Variants in ITPKC observed in about 807,000 individuals in gnomAD.
The protein encoded by ITPKC is IP3 3-kinase C.
ITPKC carries 33 observed loss-of-function variants against 67.1 expected under a neutral mutation model. The ratio of observed to expected loss-of-function variants is 0.49; its 90% CI spans 0.37 to 0.66. ITPKC has a LOEUF of 0.66. ITPKC is among the 30% of genes least tolerant of loss of function. ITPKC has a pLI of 0.00. For missense variants in ITPKC, 820 were observed against 892.1 expected, an observed-to-expected ratio of 0.92 and a Z score of 1.03; for synonymous variants, 341 against 359.8, an observed-to-expected ratio of 0.95 and a Z score of 0.59.
chr19:40,737,830 G>A, intron 6 of ITPKC, 61 bp downstream of exon 6: 1 of 1,378,664 alleles, frequency 7.3e-7, no homozygotes, highest in African/African-American at 1.4e-5. Flanking sequence ...GCATGGAGGG[G>A]AAACCATTGA....
chr19:40,727,307 C>T (rs2082250543), intron 2 of ITPKC, among the ~76,000 whole-genome samples: 2 of 151,786 alleles, frequency 1.3e-5, no homozygotes, highest in Non-Finnish European at 2.9e-5. Flanking sequence ...GCACTCCAGC[C>T]TGGGTGACAG....
intron 2 of ITPKC, among the ~76,000 whole-genome samples, chr19:40,726,471 C>T (rs986117412): frequency 6.6e-6 from 1 of 152,170 alleles, no homozygotes; most frequent in South Asian, 2.1e-4. Flanking sequence ...TGGTCTCTGT[C>T]GCAACTACTC....
At position 40,739,475 on chromosome 19, in the gene ITPKC, C is replaced by T; in HGVS notation, c.1967C>T (p.Pro656Leu). ...CACCAGACGCTCAGCCACAGGCTGCCCTGGGCTGAGGGCAACCGTGAGGAC... is the reference window on the plus strand; with the variant it reads ...CACCAGACGCTCAGCCACAGGCTGCTCTGGGCTGAGGGCAACCGTGAGGAC... ...PDHQTLSHRL[P>L]WAEGNREDGY... The change falls in exon 7 of 7, where the codon CCC becomes CTC. Residue 656 changes from proline (P) to leucine (L), a missense_variant. Pro to Leu is a moderately conservative substitution (Grantham distance 98). Transcript: ENST00000263370. 13 of 1,613,606 alleles carry T rather than the reference C, an allele frequency of 8.1e-6. No individual in the cohort carries two copies. The highest frequency in any genetic ancestry group is 1.0e-5 in the Non-Finnish European group (12 of 1,180,010).
At chr19:40,733,491 G>C in intron 4 of ITPKC, 127 bp downstream of exon 4, 1 of 841,820 alleles carries the variant, frequency 1.2e-6, no homozygotes, top group Non-Finnish European at 1.8e-6. Context: ...GGCTGGGGAA[G>C]CCCAGCCTCT....
chr19:40,718,497 C>T (rs1042672774), intron 1 of ITPKC, among the ~76,000 whole-genome samples: 7 of 152,148 alleles, frequency 4.6e-5, no homozygotes, highest in African/African-American at 1.7e-4. Context: ...TCTCCTTTCC[C>T]CTTCCTGCAC....
chr19:40,718,343 C>T (rs996519437), intron 1 of ITPKC, 53 bp downstream of exon 1: 8 of 1,479,792 alleles, frequency 5.4e-6, no homozygotes, highest in South Asian at 2.9e-5. Flanking sequence ...CTCCTTATTC[C>T]TCCGCCTTTG....
chr19:40,738,227 G>A (rs1223472441), intron 6 of ITPKC, among the ~76,000 whole-genome samples: 1 of 152,110 alleles, frequency 6.6e-6, no homozygotes, highest in African/African-American at 2.4e-5. Flanking sequence ...AGGAGATCGA[G>A]ACCATCCTGG....
intron 3 of ITPKC, among the ~76,000 whole-genome samples, chr19:40,732,826 C>T (rs1372926879): frequency 6.6e-6 from 1 of 152,314 alleles, no homozygotes; most frequent in East Asian, 1.9e-4. Context: ...TTTTCTTCTA[C>T]AAGCTTTATT....
intron 1 of ITPKC, among the ~76,000 whole-genome samples, chr19:40,724,578 T>A (rs2082237392): frequency 1.3e-5 from 2 of 152,170 alleles, no homozygotes; most frequent in African/African-American, 4.8e-5. Context: ...GTGGTCCATC[T>A]CCATCCATCA....
chr19:40,725,656 C>A (rs7253804), intron 2 of ITPKC, among the ~76,000 whole-genome samples: 23,155 of 152,216 alleles, frequency 0.15, 1,987 homozygotes, highest in Middle Eastern at 0.21. Flanking sequence ...GAGCTTCAGA[C>A]GGACCTGAGC....
intron 6 of ITPKC, among the ~76,000 whole-genome samples, chr19:40,738,185 T>G (rs1368479398): frequency 2.0e-5 from 3 of 152,058 alleles, no homozygotes; most frequent in African/African-American, 7.3e-5. Flanking sequence ...TCCCAGCACT[T>G]TGGGAGGCCG....
intron 4 of ITPKC, among the ~76,000 whole-genome samples, chr19:40,735,133 G>A (rs1476049501): frequency 3.9e-5 from 6 of 152,118 alleles, no homozygotes; most frequent in African/African-American, 1.2e-4. Flanking sequence ...TGACCAGGCT[G>A]ATCTTGAACT....
chr19:40,734,081 A>T (rs185348874), intron 4 of ITPKC, among the ~76,000 whole-genome samples: 191 of 152,288 alleles, frequency 1.3e-3, no homozygotes, highest in Admixed American at 2.6e-3. Context: ...TGTTAGTGCC[A>T]GTAAATGGAG....
At chr19:40,737,890 C>T (rs934211680) in intron 6 of ITPKC, 121 bp downstream of exon 6, 4 of 767,656 alleles carry the variant, frequency 5.2e-6, no homozygotes, top group Non-Finnish European at 6.6e-6. Flanking sequence ...GTGGCCCGCA[C>T]CTGTAATACC....
intron 1 of ITPKC, among the ~76,000 whole-genome samples, chr19:40,724,568 G>C (rs746716516): frequency 6.6e-6 from 1 of 151,998 alleles, no homozygotes. Flanking sequence ...GTCTCTCTCT[G>C]TGGTCCATCT....
chr19:40,733,403 C>CTA lies in ITPKC; in HGVS notation c.1674+42_1674+43dup, dbSNP rs540276970. The stretch of plus-strand genomic sequence containing the variant: ...ACCGCCTGGCCTGTCCCGGGAAGGC[C>CTA]TATAGCCAGATCCCAGGCAGGGCTT... On this transcript the variant is annotated intron_variant, in intron 4 of 6. Coordinates refer to ENST00000263370, the MANE Select transcript of ITPKC (RefSeq NM_025194.3). 119 of 1,554,692 alleles carry CTA rather than the reference C, an allele frequency of 7.7e-5. No individual in the cohort carries two copies. In the East Asian group the frequency reaches 2.3e-3, roughly 30 times the overall value.
At position 40,739,723 on chromosome 19, in the gene ITPKC, C is replaced by A; in HGVS notation, c.*163C>A. The A allele has an allele frequency of 1.6e-6, 1 of 620,322 alleles. No homozygotes were observed. Among genetic ancestry groups the A allele is most frequent in the Non-Finnish European group, 2.8e-6 (1 of 355,694 alleles). The allele number at this position is 620,322 out of a possible 1,614,324, so 38.4% of individuals were successfully genotyped here. On this transcript the variant is annotated 3_prime_UTR_variant, in exon 7 of 7. Transcript: ENST00000263370. The stretch of plus-strand genomic sequence containing the variant: ...GACCAACGTGGAAAAGTCTGAAGGG[C>A]CTTGGGAGACCAGGTAGCACCTGGC...
At position 40,733,353 on chromosome 19, in the gene ITPKC, G is replaced by A. The variant is rs372080751; in HGVS notation, c.1663G>A (p.Glu555Lys). Residue 555 changes from glutamate (E) to lysine (K), a missense_variant, in exon 4 of 7, where the codon GAG (glutamate) becomes AAG (lysine). Transcript: ENST00000263370. Reference protein sequence around the residue: ...SSTSTLGFRIEGIKKADGTCN... With the variant: ...SSTSTLGFRIKGIKKADGTCN... ...CACCTCTACCCTGGGCTTCCGGATCGAGGGCATCAAGGTGAGGACCAGGAA... is the reference window on the plus strand; with the variant it reads ...CACCTCTACCCTGGGCTTCCGGATCAAGGGCATCAAGGTGAGGACCAGGAA... 4.3e-6 allele frequency: 7 copies of A among 1,609,506 alleles called. No individual in the cohort carries two copies. The highest frequency in any genetic ancestry group is 5.9e-6 in the Non-Finnish European group (7 of 1,177,850).
At chr19:40,737,297 AC>A (rs2082299138) in intron 5 of ITPKC, among the ~76,000 whole-genome samples, 1 of 152,204 alleles carries the variant, frequency 6.6e-6, no homozygotes, top group Non-Finnish European at 1.5e-5. Context: ...ACTTGGCCGC[AC>A]GTCTCTCGAT....
Sources: gnomAD v4.1 joint callset for allele counts (sites outside exome capture counted in the v4.1 genomes callset) on GRCh38, gnomAD v4.1.1 for gene constraint, MANE v1.5 for transcripts, NCBI Gene and HGNC (gene_info 2026-07-23, HGNC 2026-07-21) for gene names.